MYT1L: variants seen among roughly 807,000 people sequenced by gnomAD.
MYT1L encodes myelin transcription factor 1 like, also known as myelin transcription factor 1-like protein.
Under a neutral mutation model 126.7 loss-of-function variants are expected in MYT1L, and 12 were observed. The observed-to-expected ratio is 0.09, with a 90% CI of 0.06 to 0.15. The LOEUF (loss-of-function observed/expected upper bound fraction) is 0.15. Among genes scored for constraint, MYT1L ranks in the 10% least tolerant of loss-of-function variants. The probability of loss-of-function intolerance (pLI) is 1.00; values close to 1 mark genes in which losing one functional copy is unlikely to be tolerated. For missense variants in MYT1L, 979 were observed against 1,585.2 expected, an observed-to-expected ratio of 0.62 and a Z score of 6.49; for synonymous variants, 541 against 604.2, an observed-to-expected ratio of 0.90 and a Z score of 1.53.
chr2:2,011,246 C>G (rs887876127), intron 4 of MYT1L, among the ~76,000 whole-genome samples: 4 of 152,034 alleles, frequency 2.6e-5, no homozygotes, highest in Non-Finnish European at 4.4e-5. Flanking sequence ...AAAAAATTAG[C>G]CAGGCATGGT....
intron 3 of MYT1L, among the ~76,000 whole-genome samples, chr2:2,066,428 C>T (rs766118090): frequency 2.0e-5 from 3 of 152,212 alleles, no homozygotes; most frequent in Non-Finnish European, 4.4e-5. Flanking sequence ...CACAGACACT[C>T]GCTTGGCCTT....
At chr2:1,866,719 C>G (rs1327675780) in intron 18 of MYT1L, among the ~76,000 whole-genome samples, 126 of 25,892 alleles carry the variant, frequency 4.9e-3, no homozygotes, top group Admixed American at 5.3e-3. Flanking sequence ...GAGAGAGAGG[C>G]AGAGAGGGAG....
At chr2:1,812,933 AGAG>A (rs1264867750) in intron 21 of MYT1L, among the ~76,000 whole-genome samples, 1 of 150,728 alleles carries the variant, frequency 6.6e-6, no homozygotes, top group African/African-American at 2.4e-5. Flanking sequence ...GGTTAAGATG[AGAG>A]GAGGGCTGGG....
At chr2:2,109,412 C>T (rs1575216579) in intron 3 of MYT1L, among the ~76,000 whole-genome samples, 1 of 151,860 alleles carries the variant, frequency 6.6e-6, no homozygotes, top group Admixed American at 6.6e-5. Flanking sequence ...GCCGGATGGG[C>T]GCCAGAGGTA....
intron 3 of MYT1L, among the ~76,000 whole-genome samples, chr2:2,087,716 C>T (rs899990604): frequency 2.0e-5 from 3 of 152,186 alleles, no homozygotes; most frequent in African/African-American, 4.8e-5. Context: ...TATCCAAACA[C>T]GACTCATTGA....
intron 8 of MYT1L, among the ~76,000 whole-genome samples, chr2:1,968,378 T>C (rs991324245): frequency 1.3e-5 from 2 of 152,214 alleles, no homozygotes; most frequent in African/African-American, 4.8e-5. Flanking sequence ...TTGCTATGTA[T>C]TATTTATGAA....
At chr2:2,159,928 AG>A (rs1470403162) in intron 3 of MYT1L, among the ~76,000 whole-genome samples, 1 of 152,104 alleles carries the variant, frequency 6.6e-6, no homozygotes, top group Non-Finnish European at 1.5e-5. Context: ...CAAAGTGCTC[AG>A]GTGCTGGGCA....
chr2:1,864,726 C>T (rs1458355298), intron 18 of MYT1L, among the ~76,000 whole-genome samples: 1 of 152,198 alleles, frequency 6.6e-6, no homozygotes, highest in Non-Finnish European at 1.5e-5. Context: ...CTCAATGTCT[C>T]CCAGAACAGA....
intron 23 of MYT1L, among the ~76,000 whole-genome samples, chr2:1,799,984 A>G (rs1221939694): frequency 6.6e-6 from 1 of 152,060 alleles, no homozygotes; most frequent in African/African-American, 2.4e-5. Flanking sequence ...CATGATTGTA[A>G]ATTTCCTGAG....
At chr2:2,075,089 C>G (rs1240426642) in intron 3 of MYT1L, among the ~76,000 whole-genome samples, 1 of 152,158 alleles carries the variant, frequency 6.6e-6, no homozygotes, top group Non-Finnish European at 1.5e-5. Flanking sequence ...AGTCCACACT[C>G]TCAACCACTC....
At chr2:1,808,347 C>T (rs917940526) in intron 22 of MYT1L, among the ~76,000 whole-genome samples, 11 of 152,198 alleles carry the variant, frequency 7.2e-5, no homozygotes, top group Non-Finnish European at 1.2e-4. Context: ...ACATCACAGC[C>T]CCCTGCCCTT....
chr2:1,987,470 C>T (rs184438057), intron 5 of MYT1L, among the ~76,000 whole-genome samples: 15 of 152,110 alleles, frequency 9.9e-5, no homozygotes, highest in Admixed American at 4.6e-4. Flanking sequence ...GGAGGGGCAG[C>T]GTTCCCATGG....
chr2:2,189,520 T>C (rs577656556), intron 2 of MYT1L, among the ~76,000 whole-genome samples: 1 of 152,370 alleles, frequency 6.6e-6, no homozygotes, highest in African/African-American at 2.4e-5. Flanking sequence ...ATGTCTTTTT[T>C]ATGGAAAATA....
Position 2,109,875 on chromosome 2 carries a change from T to TTTTATA in MYT1L, c.-303-55753_-303-55752insTATAAA, listed in dbSNP as rs2079179252. Among the ~76,000 whole-genome samples, 3 of 63,888 alleles carry TTTTATA rather than the reference T, an allele frequency of 4.7e-5. No homozygotes were observed. The East Asian group carries it at 1.4e-3, about 30-fold the overall frequency. 41.9% of individuals were successfully genotyped at this position (63,888 alleles called of 152,430 possible). On this transcript the variant is annotated intron_variant, in intron 3 of 24. Coordinates refer to ENST00000647738, the MANE Select transcript of MYT1L (RefSeq NM_001303052.2). ...AGGAAGATTCACAAAAGTGCTGATT[T>TTTTATA]TATATATATATATATATATATATAT...
intron 8 of MYT1L, among the ~76,000 whole-genome samples, chr2:1,944,021 C>T (rs1298855322): frequency 6.6e-5 from 10 of 152,152 alleles, no homozygotes; most frequent in Admixed American, 1.3e-4. Context: ...CACTAAATCA[C>T]GCTGAAATTG....
intron 2 of MYT1L, among the ~76,000 whole-genome samples, chr2:2,210,303 A>G (rs987994649): frequency 2.6e-5 from 4 of 152,052 alleles, no homozygotes; most frequent in Non-Finnish European, 5.9e-5. Context: ...ATGGGGTATT[A>G]CTCAAGAAAC....
intron 1 of MYT1L, among the ~76,000 whole-genome samples, chr2:2,287,378 G>A (rs2095537665): frequency 2.0e-5 from 3 of 152,176 alleles, no homozygotes; most frequent in Non-Finnish European, 2.9e-5. Context: ...TTTAATGTCA[G>A]GACCATTATC....
rs546058341 is a variant in MYT1L at position 1,887,751 on chromosome 2, C to T, written c.2521-142G>A. The T allele has an allele frequency of 1.7e-5, 17 of 974,240 alleles. No homozygotes were observed. Among genetic ancestry groups the T allele is most frequent in the South Asian group, 4.6e-5 (3 of 64,636 alleles). 60.3% of individuals were successfully genotyped at this position (974,240 alleles called of 1,614,324 possible). On this transcript the variant is annotated intron_variant, in intron 16 of 24. Coordinates refer to ENST00000647738, the MANE Select transcript of MYT1L (RefSeq NM_001303052.2). This position sits in a 1 kb window ranked among gnomAD's most constrained non-coding sequence, Gnocchi z 4.8. The stretch of plus-strand genomic sequence containing the variant: ...TTTAAGATCCTTTTGGTCCTGATAA[C>T]GCCCCTACTGAAAATGCATATTGAA...
intron 14 of MYT1L, among the ~76,000 whole-genome samples, chr2:1,897,081 G>A (rs1391731417): frequency 6.6e-6 from 1 of 152,124 alleles, no homozygotes; most frequent in African/African-American, 2.4e-5. Context: ...GCACTCAAAT[G>A]GGCAACTAAG....
Sources: allele counts gnomAD v4.1 joint callset (sites outside exome capture counted in the v4.1 genomes callset), GRCh38; gene constraint gnomAD v4.1.1; non-coding constraint Gnocchi (gnomAD v3.1); transcripts MANE v1.5; gene names NCBI Gene and HGNC (gene_info 2026-07-23, HGNC 2026-07-21).